AKAP6: variants seen among roughly 807,000 people sequenced by gnomAD.
AKAP6 encodes A-kinase anchoring protein 6.
Under a neutral mutation model 188.5 loss-of-function variants are expected in AKAP6, and 58 were observed. The ratio of observed to expected loss-of-function variants is 0.31; its 90% CI spans 0.25 to 0.38. The LOEUF (loss-of-function observed/expected upper bound fraction) is 0.38. Among genes scored for constraint, AKAP6 ranks in the 10% least tolerant of loss-of-function variants. The pLI is 1.00. For missense variants in AKAP6, 2,710 were observed against 2,740.0 expected (o/e 0.99, Z 0.24); for synonymous variants, 989 against 998.6 (o/e 0.99, Z 0.18).
At chr14:32,399,379 A>G (rs900988513) in intron 1 of AKAP6, among the ~76,000 whole-genome samples, 1 of 152,208 alleles carries the variant, frequency 6.6e-6, no homozygotes, top group Non-Finnish European at 1.5e-5. Context: ...GGTTCTGCAG[A>G]TCAAGAGGTT....
chr14:32,770,322 T>G (rs968620715), intron 11 of AKAP6, among the ~76,000 whole-genome samples: 1 of 152,204 alleles, frequency 6.6e-6, no homozygotes, highest in African/African-American at 2.4e-5. Flanking sequence ...GATTATCAAA[T>G]TATAGGTAAA....
intron 1 of AKAP6, among the ~76,000 whole-genome samples, chr14:32,417,408 T>C (rs1889694001): frequency 6.6e-6 from 1 of 152,202 alleles, no homozygotes; most frequent in Non-Finnish European, 1.5e-5. Context: ...AGAATCTCAG[T>C]TTAAAAGTAC....
chr14:32,784,400 T>G (rs2033341485), intron 12 of AKAP6, among the ~76,000 whole-genome samples: 2 of 152,294 alleles, frequency 1.3e-5, no homozygotes, highest in African/African-American at 4.8e-5. Context: ...AACAAACCTC[T>G]CTACTGAACA....
intron 7 of AKAP6, among the ~76,000 whole-genome samples, chr14:32,658,011 TTAAACA>T (rs1888524420): frequency 6.6e-6 from 1 of 152,110 alleles, no homozygotes; most frequent in African/African-American, 2.4e-5. Flanking sequence ...CATTTGGATC[TTAAACA>T]TAAAACAAGG....
intron 3 of AKAP6, among the ~76,000 whole-genome samples, chr14:32,540,168 C>CTCTCTCTCTCTCTCTATATATATA (rs1240063339): frequency 3.3e-5 from 2 of 60,918 alleles, no homozygotes; most frequent in African/African-American, 2.0e-4. Context: ...CTCTCTCTCT[C>CTCTCTCTCTCTCTCTATATATATA]TATATATATA....
rs534483255 is a variant in AKAP6 at position 32,659,959 on chromosome 14, T to A, written c.2731-18352T>A. Among the ~76,000 whole-genome samples the A allele has an allele frequency of 6.9e-4, 105 of 152,188 alleles. 1 individual carries two copies. Among genetic ancestry groups the A allele is most frequent in the Middle Eastern group, 3.4e-3 (1 of 294 alleles). On this transcript the variant is annotated intron_variant, in intron 7 of 13. Transcript: ENST00000280979. ...CCGACAAGGTGACACAAAAGACACATAACTGCTTACTGTACTGATGTGCTA... is the reference window on the plus strand; with the variant it reads ...CCGACAAGGTGACACAAAAGACACAAAACTGCTTACTGTACTGATGTGCTA...
intron 2 of AKAP6, among the ~76,000 whole-genome samples, chr14:32,491,761 C>A (rs940636506): frequency 1.3e-5 from 2 of 152,126 alleles, no homozygotes; most frequent in African/African-American, 4.8e-5. Flanking sequence ...TATGTTTATA[C>A]CAACATCCAT....
chr14:32,521,681 TA>T (rs1453279816), intron 2 of AKAP6, among the ~76,000 whole-genome samples: 1 of 152,080 alleles, frequency 6.6e-6, no homozygotes, highest in African/African-American at 2.4e-5. Context: ...CTCAATGAAA[TA>T]AAAGAAGACA....
At chr14:32,533,213 C>G (rs924167187) in intron 2 of AKAP6, among the ~76,000 whole-genome samples, 1 of 152,108 alleles carries the variant, frequency 6.6e-6, no homozygotes, top group Non-Finnish European at 1.5e-5. Flanking sequence ...GAACCACTTG[C>G]ATTCTTCAGT....
At chr14:32,656,375 T>C (rs1188513255) in intron 7 of AKAP6, among the ~76,000 whole-genome samples, 1 of 152,190 alleles carries the variant, frequency 6.6e-6, no homozygotes, top group Non-Finnish European at 1.5e-5. Context: ...AGTATTTTGC[T>C]CACTTTCATG....
At chr14:32,659,794 G>A (rs1185473701) in intron 7 of AKAP6, among the ~76,000 whole-genome samples, 2 of 152,062 alleles carry the variant, frequency 1.3e-5, no homozygotes, top group Non-Finnish European at 2.9e-5. Context: ...ACAGTCCCTG[G>A]AAATCTGCAT....
Position 32,811,066 on chromosome 14 carries a change from C to G in AKAP6, c.3589-10336C>G, listed in dbSNP as rs552177787. Among the ~76,000 whole-genome samples, 206 of 151,742 alleles carry G rather than the reference C, an allele frequency of 1.4e-3. 2 individuals are homozygous for G. The highest frequency in any genetic ancestry group is 4.7e-3 in the African/African-American group (196 of 41,376). On this transcript the variant is annotated intron_variant, in intron 12 of 13. Coordinates refer to ENST00000280979, the MANE Select transcript of AKAP6 (RefSeq NM_004274.5). ...CATCCTGGCTAACATGGAGAAACCC[C>G]GTCTCTACTAAAAATACAAAAAATT...
At chr14:32,520,616 G>C (rs1383899393) in intron 2 of AKAP6, among the ~76,000 whole-genome samples, 1 of 152,056 alleles carries the variant, frequency 6.6e-6, no homozygotes, top group Admixed American at 6.5e-5. Flanking sequence ...ATAAATTCCT[G>C]GACACATACA....
chr14:32,499,225 A>T (rs12147013), intron 2 of AKAP6, among the ~76,000 whole-genome samples: 1 of 151,434 alleles, frequency 6.6e-6, no homozygotes, highest in Non-Finnish European at 1.5e-5. Flanking sequence ...GTGGTTACAC[A>T]TGTGTTCACC....
intron 7 of AKAP6, among the ~76,000 whole-genome samples, chr14:32,633,061 T>A (rs1424626012): frequency 2.0e-5 from 3 of 152,120 alleles, no homozygotes; most frequent in Non-Finnish European, 2.9e-5. Context: ...GTTAACTGGG[T>A]CTTTTCTCTG....
At chr14:32,353,791 A>G (rs910932990) in intron 1 of AKAP6, among the ~76,000 whole-genome samples, 9 of 152,250 alleles carry the variant, frequency 5.9e-5, no homozygotes, top group African/African-American at 2.2e-4. Flanking sequence ...TGCAAAAATC[A>G]CAAGCATTCT....
chr14:32,666,318 A>G (rs1888932684), intron 7 of AKAP6, among the ~76,000 whole-genome samples: 1 of 151,936 alleles, frequency 6.6e-6, no homozygotes, highest in Non-Finnish European at 1.5e-5. Context: ...TCTCCTTTTT[A>G]AATATTTTTA....
intron 2 of AKAP6, among the ~76,000 whole-genome samples, chr14:32,437,433 C>T (rs1427786124): frequency 6.6e-6 from 1 of 152,172 alleles, no homozygotes; most frequent in African/African-American, 2.4e-5. Flanking sequence ...CAATACATAA[C>T]TTTTTAAAAA....
At chr14:32,715,779 T>TAA (rs1476667691) in intron 9 of AKAP6, among the ~76,000 whole-genome samples, 49,302 of 151,434 alleles carry the variant, frequency 0.33, 8,545 homozygotes, top group South Asian at 0.47. Flanking sequence ...GATTTTTTTT[T>TAA]AAAATTCTAG....
Sources: allele counts gnomAD v4.1 joint callset (sites outside exome capture counted in the v4.1 genomes callset), GRCh38; gene constraint gnomAD v4.1.1; transcripts MANE v1.5; gene names NCBI Gene and HGNC (gene_info 2026-07-23, HGNC 2026-07-21).